The following FHIT variants were observed in gnomAD, a reference collection of about 807,000 sequenced individuals.
The protein encoded by FHIT is fragile histidine triad diadenosine triphosphatase.
FHIT carries 19 observed loss-of-function variants against 17.9 expected under a neutral mutation model. That is an observed-to-expected ratio of 1.06 (90% CI 0.74 to 1.56). The LOEUF is 1.56. Ranked by LOEUF, FHIT falls within the 40% of genes most tolerant of loss-of-function variation. The pLI is 0.00. For synonymous variants in FHIT, 81 were observed against 69.7 expected, an observed-to-expected ratio of 1.16 and a Z score of -0.81; for missense variants, 248 against 189.2, an observed-to-expected ratio of 1.31 and a Z score of -1.82.
chr3:60,032,768 G>A (rs1431462303), intron 5 of FHIT, among the ~76,000 whole-genome samples: 4 of 149,820 alleles, frequency 2.7e-5, no homozygotes, highest in Non-Finnish European at 6.0e-5. Context: ...AGAACTTTTT[G>A]CGATTGTTTA....
At chr3:60,921,490 A>C (rs988688849) in intron 3 of FHIT, among the ~76,000 whole-genome samples, 3 of 152,222 alleles carry the variant, frequency 2.0e-5, no homozygotes, top group Non-Finnish European at 4.4e-5. Context: ...TCTGCTGAGA[A>C]TAGACAGCCT....
chr3:61,123,878 C>A (rs942604222), intron 2 of FHIT, among the ~76,000 whole-genome samples: 13 of 152,040 alleles, frequency 8.6e-5, no homozygotes, highest in Admixed American at 3.3e-4. Flanking sequence ...TCAGCTCTTA[C>A]AAATACGTAC....
intron 7 of FHIT, among the ~76,000 whole-genome samples, chr3:59,981,234 C>G (rs1708640421): frequency 6.6e-6 from 1 of 152,100 alleles, no homozygotes; most frequent in Admixed American, 6.5e-5. Flanking sequence ...TTCCTGAATC[C>G]AGACACATTT....
chr3:60,308,299 C>T (rs953775185), intron 5 of FHIT, among the ~76,000 whole-genome samples: 15 of 151,760 alleles, frequency 9.9e-5, no homozygotes, highest in African/African-American at 1.9e-4. Context: ...TGGAAAGAGG[C>T]GATTGAGCTT....
At chr3:60,528,944 A>C (rs1008455417) in intron 5 of FHIT, among the ~76,000 whole-genome samples, 1 of 152,190 alleles carries the variant, frequency 6.6e-6, no homozygotes, top group Non-Finnish European at 1.5e-5. Flanking sequence ...ACACATAAAC[A>C]TAACTCCACT....
intron 4 of FHIT, among the ~76,000 whole-genome samples, chr3:60,754,136 A>G (rs2042524293): frequency 6.6e-6 from 1 of 152,188 alleles, no homozygotes; most frequent in Non-Finnish European, 1.5e-5. Context: ...CCTTACCAGG[A>G]TAAGAAAACT....
At chr3:61,018,838 C>G (rs1462229133) in intron 3 of FHIT, among the ~76,000 whole-genome samples, 1 of 151,918 alleles carries the variant, frequency 6.6e-6, no homozygotes, top group Non-Finnish European at 1.5e-5. Flanking sequence ...CACTTAAGCC[C>G]CTGTTGAAAC....
chr3:60,409,538 T>G (rs921454427), intron 5 of FHIT, among the ~76,000 whole-genome samples: 2 of 152,218 alleles, frequency 1.3e-5, no homozygotes, highest in African/African-American at 4.8e-5. Context: ...TTTGTTAGAA[T>G]GTTTGTATTA....
intron 5 of FHIT, among the ~76,000 whole-genome samples, chr3:60,444,526 T>C (rs1190167897): frequency 5.3e-5 from 8 of 152,192 alleles, no homozygotes; most frequent in African/African-American, 1.9e-4. Context: ...AAAAAAATGA[T>C]GAGTTCATGT....
At chr3:61,150,236 G>A (rs1371031327) in intron 2 of FHIT, among the ~76,000 whole-genome samples, 1 of 152,186 alleles carries the variant, frequency 6.6e-6, no homozygotes. Flanking sequence ...AGAGCCCACT[G>A]AGAGGCTTTT....
intron 4 of FHIT, among the ~76,000 whole-genome samples, chr3:60,717,988 G>GT (rs1252768865): frequency 6.6e-6 from 1 of 152,074 alleles, no homozygotes; most frequent in East Asian, 1.9e-4. Context: ...AATAGCCAAT[G>GT]TTTTTTAAAA....
At chr3:59,927,315 A>G (rs1705712060) in intron 7 of FHIT, among the ~76,000 whole-genome samples, 1 of 152,178 alleles carries the variant, frequency 6.6e-6, no homozygotes, top group African/African-American at 2.4e-5. Flanking sequence ...TAATGGGCAC[A>G]GGGTTTCTTT....
intron 5 of FHIT, among the ~76,000 whole-genome samples, chr3:60,383,755 C>T (rs1004843801): frequency 3.9e-5 from 6 of 152,092 alleles, no homozygotes; most frequent in Non-Finnish European, 7.4e-5. Context: ...ATAAAAATAG[C>T]ATTTTTCAAC....
At position 60,056,448 on chromosome 3, in the gene FHIT, G is replaced by A. The variant is rs577380140; in HGVS notation, c.104-42296C>T. Among the ~76,000 whole-genome samples the A allele has an allele frequency of 4.6e-5, 7 of 152,316 alleles. 2 individuals are homozygous for A. The South Asian group carries it at 1.4e-3, about 32-fold the overall frequency. On this transcript the variant is annotated intron_variant, in intron 5 of 9. Transcript: ENST00000492590. ...GTCCCGATTCTATTGTTTGCAGTAA[G>A]TTTTGTAAGAGAAACTCTTCTGCAC...
chr3:60,968,596 A>G (rs1299003478), intron 3 of FHIT, among the ~76,000 whole-genome samples: 3 of 152,142 alleles, frequency 2.0e-5, no homozygotes, highest in African/African-American at 7.2e-5. Flanking sequence ...TATTTTTATT[A>G]GAGACAGGAT....
intron 2 of FHIT, among the ~76,000 whole-genome samples, chr3:61,154,286 G>A (rs1446804156): frequency 6.6e-6 from 1 of 152,118 alleles, no homozygotes; most frequent in Admixed American, 6.5e-5. Context: ...TATTACTGGA[G>A]TAACAATTGA....
intron 5 of FHIT, among the ~76,000 whole-genome samples, chr3:60,512,713 G>T (rs770248728): frequency 1.8e-4 from 27 of 152,108 alleles, no homozygotes; most frequent in Non-Finnish European, 3.1e-4. Flanking sequence ...TAACCTATTT[G>T]GTGTCCTTGC....
chr3:60,877,442 A>T (rs1704719489), intron 3 of FHIT, among the ~76,000 whole-genome samples: 1 of 152,178 alleles, frequency 6.6e-6, no homozygotes, highest in African/African-American at 2.4e-5. Context: ...CCTCCTGGGG[A>T]AACAGTGCTT....
At chr3:61,015,595 C>T (rs191223834) in intron 3 of FHIT, among the ~76,000 whole-genome samples, 1 of 152,290 alleles carries the variant, frequency 6.6e-6, no homozygotes, top group Admixed American at 6.5e-5. Flanking sequence ...AATCAGCACT[C>T]TGGAACTTGG....
Sources: allele counts gnomAD v4.1 joint callset (sites outside exome capture counted in the v4.1 genomes callset), GRCh38; gene constraint gnomAD v4.1.1; transcripts MANE v1.5; gene names NCBI Gene and HGNC (gene_info 2026-07-23, HGNC 2026-07-21).